CPM: variants seen among roughly 807,000 people sequenced by gnomAD.
The protein encoded by CPM is renal carboxypeptidase.
In CPM, 35 loss-of-function variants were observed where a neutral mutation model predicts 46.4. The ratio of observed to expected loss-of-function variants is 0.75; its 90% CI spans 0.58 to 1.00. The LOEUF (loss-of-function observed/expected upper bound fraction) is 1.00. Ranked by LOEUF, CPM falls within the 50% of genes least tolerant of loss-of-function variation. The pLI is 0.00. For missense variants in CPM, 422 were observed against 530.4 expected (o/e 0.80, Z 2.01); for synonymous variants, 195 against 195.3 (o/e 1.00, Z 0.01).
At chr12:68,911,579 CA>C (rs1383766630) in intron 2 of CPM, among the ~76,000 whole-genome samples, 1 of 152,130 alleles carries the variant, frequency 6.6e-6, no homozygotes, top group Non-Finnish European at 1.5e-5. Context: ...CCTCAATAAA[CA>C]GTAGTTTGAG....
In CPM at chr12:68,855,966, G is replaced by A. The variant is rs1129786; in HGVS notation, c.*471C>T. On this transcript the variant is annotated 3_prime_UTR_variant, in exon 9 of 9. Coordinates refer to ENST00000551568, the MANE Select transcript of CPM (RefSeq NM_198320.5). ...GGCTGGTTTTGAACTCCTAACCTCA[G>A]GGTGATCCGCCCACCTTGGCCTCCC... The A allele has an allele frequency of 0.46, 74,177 of 160,230 alleles. 19,888 individuals are homozygous for A. The highest frequency in any genetic ancestry group is 0.93 in the East Asian group (5,202 of 5,578). 9.9% of individuals were successfully genotyped at this position (160,230 alleles called of 1,614,324 possible). A position where few individuals can be genotyped will look rare whatever the true frequency, so the allele number is the denominator to read the frequency against.
chr12:68,963,210 G>T (rs76365243), exon 1 of CPM: 4,706 of 194,572 alleles, frequency 0.024, 88 homozygotes, highest in East Asian at 0.082. Context: ...TCCAGAAAGG[G>T]TCCTGTCCCA....
At chr12:68,888,918 T>C (rs1032013793) in intron 2 of CPM, among the ~76,000 whole-genome samples, 2 of 152,144 alleles carry the variant, frequency 1.3e-5, no homozygotes, top group Non-Finnish European at 2.9e-5. Context: ...AGCAGACAAG[T>C]GCTACAAAAT....
At chr12:68,952,166 T>A (rs1888946097) in intron 1 of CPM, among the ~76,000 whole-genome samples, 1 of 152,230 alleles carries the variant, frequency 6.6e-6, no homozygotes, top group African/African-American at 2.4e-5. Flanking sequence ...AGGGAAAGCC[T>A]ATCTTATTTT....
At chr12:68,848,317 T>G (rs1419995389), downstream of CPM, 1 of 151,840 alleles carries the variant, frequency 6.6e-6, no homozygotes. Context: ...CAAGTAGCTG[T>G]GTTATTTCAG....
chr12:68,962,165 A>T (rs552780941), intron 1 of CPM, among the ~76,000 whole-genome samples: 1 of 148,266 alleles, frequency 6.7e-6, no homozygotes, highest in Non-Finnish European at 1.5e-5. Flanking sequence ...GCGCCACTGC[A>T]CTCCAGCCTG....
chr12:68,928,068 T>A (rs150849979), intron 2 of CPM, among the ~76,000 whole-genome samples: 93 of 152,292 alleles, frequency 6.1e-4, no homozygotes, highest in African/African-American at 2.0e-3. Flanking sequence ...GCCAAGTCAG[T>A]CCTAAGCCAA....
At chr12:68,936,558 A>G (rs1285590693), upstream of CPM, among the ~76,000 whole-genome samples, 4 of 151,964 alleles carry the variant, frequency 2.6e-5, no homozygotes, top group Non-Finnish European at 1.5e-5. Flanking sequence ...TAATTTTTGT[A>G]TTTTTAGTAG....
chr12:68,853,339 T>G lies in CPM; in HGVS notation c.*3098A>C, dbSNP rs892549347. On this transcript the variant is annotated 3_prime_UTR_variant, in exon 9 of 9. Transcript: ENST00000551568. The stretch of plus-strand genomic sequence containing the variant: ...TTTTGCAATACTATATTATGTACTT[T>G]CAAGTATATAATTACTGCTTCTTTA... 2.0e-5 allele frequency: 3 copies of G among 152,238 alleles called. No individual in the cohort carries two copies. The highest frequency in any genetic ancestry group is 2.9e-5 in the Non-Finnish European group (2 of 68,048). The allele number at this position is 152,238 out of a possible 1,614,324, so 9.4% of individuals were successfully genotyped here.
chr12:68,916,689 G>C (rs1197092957), intron 2 of CPM, among the ~76,000 whole-genome samples: 3 of 152,030 alleles, frequency 2.0e-5, no homozygotes, highest in Non-Finnish European at 4.4e-5. Context: ...AGGAGTTCGA[G>C]ACCAACCTGG....
chr12:68,923,158 AGAGTGTGT>A (rs57314782), intron 2 of CPM, among the ~76,000 whole-genome samples: 21,325 of 131,572 alleles, frequency 0.16, 2,108 homozygotes, highest in African/African-American at 0.24. Context: ...TATTTGATAT[AGAGTGTGT>A]GTGTGTGTGT....
intron 2 of CPM, among the ~76,000 whole-genome samples, chr12:68,899,815 T>C (rs1887041408): frequency 6.6e-6 from 1 of 152,212 alleles, no homozygotes; most frequent in Non-Finnish European, 1.5e-5. Flanking sequence ...TTAATAATGA[T>C]GTGTCATGAT....
downstream of CPM, chr12:68,847,491 T>TA (rs1404928620): frequency 8.0e-6 from 1 of 124,678 alleles, no homozygotes; most frequent in South Asian, 2.4e-4. Flanking sequence ...TCCCGCTGTT[T>TA]AGCCCAGGCC....
At chr12:68,909,609 G>T in intron 2 of CPM, among the ~76,000 whole-genome samples, 1 of 151,968 alleles carries the variant, frequency 6.6e-6, no homozygotes, top group East Asian at 1.9e-4. Flanking sequence ...ATGATAGACT[G>T]GATTAAGAAA....
chr12:68,851,740 A>G lies in CPM; in HGVS notation c.*4697T>C, dbSNP rs1478095907. On this transcript the variant is annotated 3_prime_UTR_variant, in exon 9 of 9. Coordinates refer to ENST00000551568, the MANE Select transcript of CPM (RefSeq NM_198320.5). ...AAAATGGTGAGCAATACTGTACAGT[A>G]TCTGCTTATTAGTTGATATAATGTA... 6.6e-6 allele frequency: 1 copy of G among 152,236 alleles called. No homozygotes were observed. Among genetic ancestry groups the G allele is most frequent in the East Asian group, 1.9e-4 (1 of 5,208 alleles). 9.4% of individuals were successfully genotyped at this position (152,236 alleles called of 1,614,324 possible). A position where few individuals can be genotyped will look rare whatever the true frequency, so the allele number is the denominator to read the frequency against.
intron 2 of CPM, among the ~76,000 whole-genome samples, chr12:68,925,629 A>AG (rs1491116813): frequency 6.6e-6 from 1 of 152,170 alleles, no homozygotes; most frequent in African/African-American, 2.4e-5. Context: ...TATTTGACTC[A>AG]GGGGGGTAAA....
At chr12:68,880,366 G>T (rs1194078847) in intron 3 of CPM, among the ~76,000 whole-genome samples, 1 of 152,118 alleles carries the variant, frequency 6.6e-6, no homozygotes, top group Non-Finnish European at 1.5e-5. Context: ...CAGCTCCCCA[G>T]CAGTCAAGGA....
chr12:68,939,735 T>A (rs899327684), intron 1 of CPM, among the ~76,000 whole-genome samples: 1 of 152,046 alleles, frequency 6.6e-6, no homozygotes, highest in African/African-American at 2.4e-5. Flanking sequence ...TTTTGAAAAA[T>A]TTTTTCTGAC....
intron 7 of CPM, among the ~76,000 whole-genome samples, chr12:68,859,852 C>A (rs1885133408): frequency 6.6e-6 from 1 of 152,110 alleles, no homozygotes; most frequent in Non-Finnish European, 1.5e-5. Flanking sequence ...TATTTTAAGA[C>A]CTTTCTTATT....
Sources: allele counts gnomAD v4.1 joint callset (sites outside exome capture counted in the v4.1 genomes callset), GRCh38; gene constraint gnomAD v4.1.1; transcripts MANE v1.5; gene names NCBI Gene and HGNC (gene_info 2026-07-23, HGNC 2026-07-21).